The following PPFIA2 variants were observed in gnomAD, a reference collection of about 807,000 sequenced individuals.
PPFIA2 encodes liprin-alpha-2.
PPFIA2 carries 46 observed loss-of-function variants against 175.5 expected under a neutral mutation model. That is an observed-to-expected ratio of 0.26 (90% CI 0.21 to 0.34). PPFIA2 has a LOEUF of 0.34. PPFIA2 is among the 10% of genes least tolerant of loss of function. The probability of loss-of-function intolerance (pLI) is 1.00; values close to 1 mark genes in which losing one functional copy is unlikely to be tolerated. For missense variants in PPFIA2, 1,179 were observed against 1,506.1 expected, an observed-to-expected ratio of 0.78 and a Z score of 3.60; for synonymous variants, 568 against 511.4, an observed-to-expected ratio of 1.11 and a Z score of -1.49.
chr12:81,636,700 T>C (rs1270889048), intron 4 of PPFIA2, among the ~76,000 whole-genome samples: 1 of 152,200 alleles, frequency 6.6e-6, no homozygotes, highest in African/African-American at 2.4e-5. Context: ...TAGCTCAGGC[T>C]GGAGTACAGT....
At chr12:81,560,622 G>C (rs987010039) in intron 4 of PPFIA2, among the ~76,000 whole-genome samples, 2 of 152,084 alleles carry the variant, frequency 1.3e-5, no homozygotes, top group Admixed American at 6.5e-5. Flanking sequence ...TAAAATTTTG[G>C]TCTAAATATT....
rs190561966 is a variant in PPFIA2, at chr12:81,401,569, C to T, written c.762+4218G>A. The stretch of plus-strand genomic sequence containing the variant: ...TCATGTTTTATGATATTAATTTGGG[C>T]ATGTTTATTTCTCACTGTAGATTCT... On this transcript the variant is annotated intron_variant, in intron 8 of 32. Transcript: ENST00000549396. Among the ~76,000 whole-genome samples, 367 of 152,198 alleles carry T rather than the reference C, an allele frequency of 2.4e-3. 1 individual carries two copies. The highest frequency in any genetic ancestry group is 8.6e-3 in the African/African-American group (357 of 41,526).
At chr12:81,264,882 C>A (rs1027353002) in intron 30 of PPFIA2, among the ~76,000 whole-genome samples, 1 of 152,174 alleles carries the variant, frequency 6.6e-6, no homozygotes, top group African/African-American at 2.4e-5. Context: ...TCTACGACTT[C>A]TTGATTCTTG....
intron 3 of PPFIA2, among the ~76,000 whole-genome samples, chr12:81,722,581 G>A (rs1247407950): frequency 2.0e-5 from 3 of 150,956 alleles, no homozygotes; most frequent in African/African-American, 7.3e-5. Context: ...ATAGGAGATA[G>A]GAACACTATC....
intron 3 of PPFIA2, among the ~76,000 whole-genome samples, chr12:81,696,897 T>C (rs2075958368): frequency 1.3e-5 from 2 of 152,150 alleles, no homozygotes; most frequent in African/African-American, 4.8e-5. Flanking sequence ...TTAAACCTTA[T>C]GCACTTGAAA....
At chr12:81,727,181 T>C (rs560197929) in intron 3 of PPFIA2, among the ~76,000 whole-genome samples, 1 of 151,454 alleles carries the variant, frequency 6.6e-6, no homozygotes, top group South Asian at 2.1e-4. Context: ...TTTCAGACCA[T>C]GTCATATCAA....
intron 3 of PPFIA2, among the ~76,000 whole-genome samples, chr12:81,679,580 G>A (rs1172925621): frequency 6.6e-6 from 1 of 151,776 alleles, no homozygotes; most frequent in Non-Finnish European, 1.5e-5. Context: ...TGAATGAAAA[G>A]GGCAATAAAT....
At chr12:81,316,059 A>T (rs1262222929) in intron 22 of PPFIA2, among the ~76,000 whole-genome samples, 1 of 151,640 alleles carries the variant, frequency 6.6e-6, no homozygotes, top group African/African-American at 2.4e-5. Context: ...ATCTGAACCA[A>T]AGATATTTAA....
In PPFIA2 at chr12:81,344,803, T is replaced by C. The variant is rs185740140; in HGVS notation, c.2233-110A>G. On this transcript the variant is annotated intron_variant, in intron 18 of 32. Coordinates refer to ENST00000549396, the MANE Select transcript of PPFIA2 (RefSeq NM_003625.5). ...CTACAACTTGACTATCATTTTTTTC[T>C]TCATTTTGTTATTTTCTAAATAAAC... The C allele has an allele frequency of 5.1e-4, 392 of 769,242 alleles. 1 individual carries two copies. In the African/African-American group the frequency reaches 6.3e-3, roughly 12 times the overall value. 47.7% of individuals were successfully genotyped at this position (769,242 alleles called of 1,614,324 possible).
intron 4 of PPFIA2, among the ~76,000 whole-genome samples, chr12:81,491,938 T>G (rs543707178): frequency 6.6e-6 from 1 of 152,020 alleles, no homozygotes; most frequent in Admixed American, 6.6e-5. Context: ...GCCTGGAACA[T>G]TATCTTATTC....
At position 81,598,592 on chromosome 12, in the gene PPFIA2, G is replaced by A. The variant is rs377413831; in HGVS notation, c.303+78199C>T. On this transcript the variant is annotated intron_variant, in intron 4 of 32. Coordinates refer to ENST00000549396, the MANE Select transcript of PPFIA2 (RefSeq NM_003625.5). The stretch of plus-strand genomic sequence containing the variant: ...TTTCTGTATCTTTCTAAATCTTTTA[G>A]TCACTCCCAGACTTTTCAACAAGAT... Among the ~76,000 whole-genome samples the A allele has an allele frequency of 2.7e-5, 4 of 150,828 alleles. No individual in the cohort carries two copies. In the East Asian group the frequency reaches 7.8e-4, roughly 29 times the overall value.
chr12:81,344,030 G>T (rs2058617064), intron 19 of PPFIA2, among the ~76,000 whole-genome samples: 1 of 152,042 alleles, frequency 6.6e-6, no homozygotes, highest in Non-Finnish European at 1.5e-5. Context: ...TGTGGGCCAG[G>T]CTGAGACAAC....
chr12:81,632,900 G>A (rs61933791), intron 4 of PPFIA2, among the ~76,000 whole-genome samples: 164 of 148,630 alleles, frequency 1.1e-3, no homozygotes, highest in Non-Finnish European at 2.0e-3. Flanking sequence ...TTCTGATAGG[G>A]CTCTAGTGTA....
At chr12:81,566,530 C>G (rs562886323) in intron 4 of PPFIA2, among the ~76,000 whole-genome samples, 22 of 68,454 alleles carry the variant, frequency 3.2e-4, no homozygotes, top group Middle Eastern at 0.012. Flanking sequence ...GACTCCAACT[C>G]AAAAAAAAAA....
At chr12:81,325,635 C>T in intron 22 of PPFIA2, 142 bp downstream of exon 22, 1 of 579,470 alleles carries the variant, frequency 1.7e-6, no homozygotes, top group Non-Finnish European at 3.0e-6. Flanking sequence ...AAACATAAGC[C>T]CTGAGTGTTT....
At chr12:81,313,089 C>T (rs1193378198) in intron 22 of PPFIA2, among the ~76,000 whole-genome samples, 5 of 152,028 alleles carry the variant, frequency 3.3e-5, no homozygotes, top group African/African-American at 7.2e-5. Flanking sequence ...ATCACTAAAA[C>T]GACATTGATA....
intron 17 of PPFIA2, among the ~76,000 whole-genome samples, chr12:81,350,066 T>C (rs1030077355): frequency 3.9e-5 from 6 of 152,156 alleles, no homozygotes; most frequent in Non-Finnish European, 7.4e-5. Flanking sequence ...CTGGCCAAGA[T>C]TGTTACTAGA....
intron 3 of PPFIA2, among the ~76,000 whole-genome samples, chr12:81,742,150 G>C (rs962361473): frequency 3.3e-5 from 5 of 152,184 alleles, no homozygotes; most frequent in Non-Finnish European, 7.3e-5. Flanking sequence ...AGGTAAAGGG[G>C]AATTGCAAAT....
At chr12:81,342,569 C>T (rs2058308287) in intron 19 of PPFIA2, among the ~76,000 whole-genome samples, 1 of 152,076 alleles carries the variant, frequency 6.6e-6, no homozygotes, top group Admixed American at 6.6e-5. Flanking sequence ...TTCCTTTGCT[C>T]TATTCAACTA....
Sources: gnomAD v4.1 joint callset for allele counts (sites outside exome capture counted in the v4.1 genomes callset) on GRCh38, gnomAD v4.1.1 for gene constraint, MANE v1.5 for transcripts, NCBI Gene and HGNC (gene_info 2026-07-23, HGNC 2026-07-21) for gene names.